The following BCAT1 variants were observed in gnomAD, a reference collection of about 807,000 sequenced individuals.
The protein encoded by BCAT1 is branched-chain-amino-acid aminotransferase, cytosolic.
A neutral mutation model predicts 52.4 loss-of-function variants in BCAT1; 48 were observed. That is an observed-to-expected ratio of 0.92 (90% CI 0.73 to 1.16). The LOEUF is 1.16. BCAT1 is among the 50% of genes most tolerant of loss of function. BCAT1 has a pLI of 0.00. For synonymous variants in BCAT1, 167 were observed against 161.3 expected, an observed-to-expected ratio of 1.04 and a Z score of -0.27; for missense variants, 451 against 457.1, an observed-to-expected ratio of 0.99 and a Z score of 0.12.
At chr12:24,841,998 C>T in intron 7 of BCAT1, 84 bp downstream of exon 7, 2 of 1,483,232 alleles carry the variant, frequency 1.3e-6, no homozygotes, top group Non-Finnish European at 1.8e-6. Context: ...TACTTACTCC[C>T]TTGTACTAAG....
intron 5 of BCAT1, among the ~76,000 whole-genome samples, chr12:24,856,850 A>T (rs965143441): frequency 7.9e-5 from 12 of 152,362 alleles, no homozygotes; most frequent in Non-Finnish European, 1.8e-4. Context: ...GGTCCCTGAA[A>T]CAAAAACTGG....
At chr12:24,935,940 T>C (rs1943747256) in intron 1 of BCAT1, among the ~76,000 whole-genome samples, 1 of 152,202 alleles carries the variant, frequency 6.6e-6, no homozygotes, top group African/African-American at 2.4e-5. Context: ...ATGACTTTGA[T>C]ATTCTCTAAA....
chr12:24,828,659 G>A (rs909408767), intron 10 of BCAT1, among the ~76,000 whole-genome samples: 1 of 152,118 alleles, frequency 6.6e-6, no homozygotes, highest in African/African-American at 2.4e-5. Context: ...GAAAAAACAT[G>A]TAACAAAATT....
intron 5 of BCAT1, among the ~76,000 whole-genome samples, chr12:24,875,772 A>G (rs950440209): frequency 6.6e-6 from 1 of 152,216 alleles, no homozygotes; most frequent in South Asian, 2.1e-4. Flanking sequence ...ATGGACCACA[A>G]AACCTGATTT....
At chr12:24,929,050 C>T (rs929969893) in intron 1 of BCAT1, among the ~76,000 whole-genome samples, 5 of 152,080 alleles carry the variant, frequency 3.3e-5, no homozygotes, top group Non-Finnish European at 5.9e-5. Context: ...CATGAACCAC[C>T]GCTCCCAGCC....
intron 1 of BCAT1, among the ~76,000 whole-genome samples, chr12:24,932,334 T>C (rs904930988): frequency 6.6e-6 from 1 of 152,220 alleles, no homozygotes; most frequent in African/African-American, 2.4e-5. Context: ...GATTATGCTC[T>C]GGGAAGTTTC....
intron 1 of BCAT1, among the ~76,000 whole-genome samples, chr12:24,919,894 C>T (rs1160275747): frequency 6.6e-6 from 1 of 152,152 alleles, no homozygotes; most frequent in Non-Finnish European, 1.5e-5. Flanking sequence ...AAACCCCTTT[C>T]GCTTGGTTCT....
At chr12:24,926,608 T>C (rs1943592120) in intron 1 of BCAT1, among the ~76,000 whole-genome samples, 1 of 152,170 alleles carries the variant, frequency 6.6e-6, no homozygotes, top group Admixed American at 6.5e-5. Context: ...TTTTGTTCTG[T>C]ACTAAGAAAA....
chr12:24,924,306 A>G (rs1284902824), intron 1 of BCAT1, among the ~76,000 whole-genome samples: 2 of 152,244 alleles, frequency 1.3e-5, no homozygotes, highest in Non-Finnish European at 2.9e-5. Context: ...ATATAATTAG[A>G]TCAGTTAATG....
At chr12:24,926,418 G>T (rs982012528) in intron 1 of BCAT1, among the ~76,000 whole-genome samples, 5 of 152,188 alleles carry the variant, frequency 3.3e-5, no homozygotes, top group African/African-American at 1.2e-4. Context: ...TCTGGGAAGT[G>T]AGGAGCCCCT....
intron 3 of BCAT1, among the ~76,000 whole-genome samples, chr12:24,890,144 C>T (rs1942795604): frequency 6.6e-6 from 1 of 152,026 alleles, no homozygotes; most frequent in Admixed American, 6.5e-5. Flanking sequence ...TTAATCAAAC[C>T]AGAAGAGGGG....
chr12:24,902,518 G>T (rs1943136072), intron 1 of BCAT1: 5 of 607,112 alleles, frequency 8.2e-6, no homozygotes, highest in Non-Finnish European at 8.7e-6. Context: ...GGGGGTGGGG[G>T]TGGGGAAGGA....
chr12:24,829,946 G>T, intron 9 of BCAT1, 49 bp from the exon 10 acceptor site: 3 of 1,401,030 alleles, frequency 2.1e-6, no homozygotes, highest in Non-Finnish European at 3.0e-6. Context: ...CATGTATATG[G>T]TGATAACAGA....
chr12:24,897,094 A>G (rs1199353126), intron 2 of BCAT1, among the ~76,000 whole-genome samples: 1 of 152,248 alleles, frequency 6.6e-6, no homozygotes, highest in Non-Finnish European at 1.5e-5. Context: ...ATTTGGAGCC[A>G]TATCAATACA....
At chr12:24,887,080 A>AAAAT (rs1245203518) in intron 3 of BCAT1, among the ~76,000 whole-genome samples, 13 of 40,744 alleles carry the variant, frequency 3.2e-4, no homozygotes, top group South Asian at 1.2e-3. Flanking sequence ...AAAAAAAAAA[A>AAAAT]ATATATATAT....
At position 24,816,168 on chromosome 12, in the gene BCAT1, T is replaced by C. The variant is rs1164518504; in HGVS notation, c.*1840A>G. On this transcript the variant is annotated 3_prime_UTR_variant, in exon 11 of 11. Transcript: ENST00000261192. ...CTCAATTTTCATTTTACTATCCCTG[T>C]CTATAAAAGACCCTATGGCTAAAAG... 2 of 215,458 alleles carry C rather than the reference T, an allele frequency of 9.3e-6. No homozygotes were observed. The highest frequency in any genetic ancestry group is 9.6e-5 in the East Asian group (1 of 10,394). The allele number at this position is 215,458 out of a possible 1,614,324, so 13.3% of individuals were successfully genotyped here.
intron 9 of BCAT1, 124 bp downstream of exon 9, chr12:24,832,599 A>G: frequency 8.3e-7 from 1 of 1,200,136 alleles, no homozygotes; most frequent in South Asian, 1.7e-5. Context: ...AAAGAAAAAC[A>G]ACAACAACGA....
At chr12:24,840,412 C>T (rs1345816463) in intron 7 of BCAT1, among the ~76,000 whole-genome samples, 1 of 152,156 alleles carries the variant, frequency 6.6e-6, no homozygotes, top group African/African-American at 2.4e-5. Context: ...GAGGTCAACA[C>T]TGGCTACAAT....
chr12:24,944,195 G>C (rs926312493), intron 1 of BCAT1, among the ~76,000 whole-genome samples: 1 of 152,176 alleles, frequency 6.6e-6, no homozygotes, highest in Non-Finnish European at 1.5e-5. Flanking sequence ...CTTCGCAGCT[G>C]TCTTTTAACT....
Sources: allele counts gnomAD v4.1 joint callset (sites outside exome capture counted in the v4.1 genomes callset), GRCh38; gene constraint gnomAD v4.1.1; transcripts MANE v1.5; gene names NCBI Gene and HGNC (gene_info 2026-07-23, HGNC 2026-07-21).